Variants in ANKRD55 observed in about 807,000 individuals in gnomAD.
ANKRD55 encodes the protein ankyrin repeat domain-containing protein 55.
In ANKRD55, 41 loss-of-function variants were observed where a neutral mutation model predicts 60.6. The observed-to-expected ratio is 0.68, with a 90% CI of 0.53 to 0.88. ANKRD55 has a LOEUF of 0.88. ANKRD55 is among the 40% of genes least tolerant of loss of function. The probability of loss-of-function intolerance (pLI) is 0.00; values close to 1 mark genes in which losing one functional copy is unlikely to be tolerated. For synonymous variants in ANKRD55, 264 were observed against 290.3 expected, an observed-to-expected ratio of 0.91 and a Z score of 0.92; for missense variants, 732 against 767.6, an observed-to-expected ratio of 0.95 and a Z score of 0.55.
At chr5:56,189,939 A>C (rs1306617545) in intron 2 of ANKRD55, among the ~76,000 whole-genome samples, 1 of 152,218 alleles carries the variant, frequency 6.6e-6, no homozygotes, top group African/African-American at 2.4e-5. Flanking sequence ...ATTTCCACCA[A>C]AGTGCACAAG....
intron 6 of ANKRD55, among the ~76,000 whole-genome samples, chr5:56,148,719 G>A (rs1439088182): frequency 6.6e-6 from 1 of 151,864 alleles, no homozygotes; most frequent in African/African-American, 2.4e-5. Context: ...TGCTTAGCAG[G>A]TTTCATGTTT....
At position 56,127,423 on chromosome 5, in the gene ANKRD55, G is replaced by A. The variant is rs188229729; in HGVS notation, c.613-317C>T. 1.5e-5 allele frequency: 15 copies of A among 985,062 alleles called. No homozygotes were observed. The African/African-American group carries it at 1.6e-4, about 10-fold the overall frequency. 61.0% of individuals were successfully genotyped at this position (985,062 alleles called of 1,614,324 possible). A position where few individuals can be genotyped will look rare whatever the true frequency, so the allele number is the denominator to read the frequency against. ...GACTGACGTCAGAGCTAGAGTGATC[G>A]GTGGGCCACCTAGACAACAACTTGC... On this transcript the variant is annotated intron_variant, in intron 7 of 11. Coordinates refer to ENST00000341048, the MANE Select transcript of ANKRD55 (RefSeq NM_024669.3).
intron 8 of ANKRD55, among the ~76,000 whole-genome samples, chr5:56,120,920 G>C (rs1757029123): frequency 7.8e-6 from 1 of 127,668 alleles, no homozygotes. Context: ...AAAAAAAAAA[G>C]ATGGTGTGAC....
At chr5:56,230,426 A>T (rs1760224773) in intron 2 of ANKRD55, among the ~76,000 whole-genome samples, 1 of 152,210 alleles carries the variant, frequency 6.6e-6, no homozygotes, top group Non-Finnish European at 1.5e-5. Context: ...TGTGAGAACC[A>T]ACAGGTTACT....
At chr5:56,110,020 T>C (rs1455697726) in intron 10 of ANKRD55, among the ~76,000 whole-genome samples, 2 of 151,372 alleles carry the variant, frequency 1.3e-5, no homozygotes, top group Non-Finnish European at 1.5e-5. Context: ...CACTGCACTC[T>C]AGCCTGGGCG....
intron 2 of ANKRD55, among the ~76,000 whole-genome samples, chr5:56,195,692 T>C (rs160937): frequency 0.34 from 52,022 of 151,984 alleles, 10,639 homozygotes; most frequent in East Asian, 0.61. Flanking sequence ...GATCTACCCA[T>C]CTCCGCCTCC....
At chr5:56,195,071 A>T (rs565951071) in intron 2 of ANKRD55, among the ~76,000 whole-genome samples, 1 of 152,304 alleles carries the variant, frequency 6.6e-6, no homozygotes, top group East Asian at 1.9e-4. Flanking sequence ...CAGAGTGCTT[A>T]AATGTGATAT....
At chr5:56,138,209 C>T (rs892322057) in intron 7 of ANKRD55, among the ~76,000 whole-genome samples, 1 of 148,214 alleles carries the variant, frequency 6.7e-6, no homozygotes, top group African/African-American at 2.5e-5. Flanking sequence ...CTCACTGCAA[C>T]CTCTGCCTCC....
intron 8 of ANKRD55, among the ~76,000 whole-genome samples, chr5:56,119,076 T>C (rs1304538325): frequency 6.6e-6 from 1 of 152,230 alleles, no homozygotes; most frequent in East Asian, 1.9e-4. Context: ...AGTATTTTGC[T>C]GGAGAAATAA....
At chr5:56,195,776 A>G (rs1457812294) in intron 2 of ANKRD55, among the ~76,000 whole-genome samples, 2 of 152,148 alleles carry the variant, frequency 1.3e-5, no homozygotes, top group East Asian at 3.8e-4. Flanking sequence ...GTGCCAAAAC[A>G]TGTCAAAATC....
At chr5:56,179,736 T>C (rs573960116) in intron 3 of ANKRD55, among the ~76,000 whole-genome samples, 1 of 152,318 alleles carries the variant, frequency 6.6e-6, no homozygotes, top group South Asian at 2.1e-4. Flanking sequence ...AACTATTTTA[T>C]TAGCTATGAA....
intron 2 of ANKRD55, among the ~76,000 whole-genome samples, chr5:56,195,181 C>T (rs973199034): frequency 6.6e-6 from 1 of 152,180 alleles, no homozygotes; most frequent in African/African-American, 2.4e-5. Flanking sequence ...ATTCTAACAA[C>T]GCAGAATACC....
chr5:56,173,574 C>CTATATA (rs1273889433), intron 4 of ANKRD55, among the ~76,000 whole-genome samples: 46 of 98,286 alleles, frequency 4.7e-4, no homozygotes, highest in African/African-American at 1.1e-3. Context: ...CTCTCTCTCT[C>CTATATA]TCTCTCTCTA....
At chr5:56,135,356 T>TTTCTTCTTTCTTTC (rs70995771) in intron 7 of ANKRD55, among the ~76,000 whole-genome samples, 1 of 53,700 alleles carries the variant, frequency 1.9e-5, no homozygotes, top group Non-Finnish European at 3.5e-5. Flanking sequence ...TCTTTCTTTC[T>TTTCTTCTTTCTTTC]TTCTTTCTTT....
chr5:56,159,951 G>C (rs1029209168), intron 5 of ANKRD55, 58 bp from the exon 6 acceptor site: 1 of 1,487,218 alleles, frequency 6.7e-7, no homozygotes, highest in Admixed American at 1.7e-5. Flanking sequence ...GGTGCTCTTG[G>C]AATCGGTATA....
chr5:56,160,162 C>T (rs1390787846), intron 5 of ANKRD55, among the ~76,000 whole-genome samples: 1 of 152,208 alleles, frequency 6.6e-6, no homozygotes, highest in East Asian at 1.9e-4. Context: ...GATGGAGAAA[C>T]TTTAGGCTCA....
At chr5:56,181,815 C>G (rs959759065) in intron 3 of ANKRD55, among the ~76,000 whole-genome samples, 2 of 152,206 alleles carry the variant, frequency 1.3e-5, no homozygotes, top group Admixed American at 1.3e-4. Flanking sequence ...GTCTTGACCT[C>G]AAGTCCTGAT....
chr5:56,186,654 A>G (rs1433807843), intron 2 of ANKRD55, among the ~76,000 whole-genome samples: 1 of 152,212 alleles, frequency 6.6e-6, no homozygotes, highest in Non-Finnish European at 1.5e-5. Flanking sequence ...GCGTTTAGAA[A>G]GCATTAGAAA....
chr5:56,185,558 C>A (rs1456405902), intron 2 of ANKRD55, among the ~76,000 whole-genome samples: 1 of 151,792 alleles, frequency 6.6e-6, no homozygotes, highest in Non-Finnish European at 1.5e-5. Flanking sequence ...ATTCCAGCTA[C>A]TCGGGAGGCT....
Sources: gnomAD v4.1 joint callset for allele counts (sites outside exome capture counted in the v4.1 genomes callset) on GRCh38, gnomAD v4.1.1 for gene constraint, MANE v1.5 for transcripts, NCBI Gene and HGNC (gene_info 2026-07-23, HGNC 2026-07-21) for gene names.